Variants in RGS7 observed in about 807,000 individuals in gnomAD.
RGS7 encodes the protein regulator of G-protein signaling 7.
A neutral mutation model predicts 81.1 loss-of-function variants in RGS7; 27 were observed. The observed-to-expected ratio is 0.33, with a 90% CI of 0.25 to 0.46. The LOEUF (loss-of-function observed/expected upper bound fraction) is 0.46. RGS7 is among the 20% of genes least tolerant of loss of function. RGS7 has a pLI of 1.00. For synonymous variants in RGS7, 208 were observed against 207.7 expected, an observed-to-expected ratio of 1.00 and a Z score of -0.01; for missense variants, 396 against 607.4, an observed-to-expected ratio of 0.65 and a Z score of 3.66.
rs1312015674 is a variant in RGS7 at position 241,144,766 on chromosome 1, C to T, written c.79-46004G>A. On this transcript the variant is annotated intron_variant, in intron 2 of 18. Coordinates refer to ENST00000440928, the MANE Select transcript of RGS7 (RefSeq NM_001364886.1). This position sits in a 1 kb window ranked among gnomAD's most constrained non-coding sequence, Gnocchi z 4.7. Reference sequence around the variant, plus strand: ...ACCAGCCAGCTAGCCAACCCCACAGCCGCCTGTTGGGCAAAGGAACCCTGG... The same window carrying T: ...ACCAGCCAGCTAGCCAACCCCACAGTCGCCTGTTGGGCAAAGGAACCCTGG... Among the ~76,000 whole-genome samples the T allele has an allele frequency of 6.6e-6, 1 of 152,194 alleles. No homozygotes were observed.
chr1:241,057,810 C>T (rs939267193), intron 3 of RGS7, among the ~76,000 whole-genome samples: 5 of 152,036 alleles, frequency 3.3e-5, no homozygotes, highest in African/African-American at 1.2e-4. Context: ...TACAGTGAGC[C>T]GGGATCACAC....
intron 2 of RGS7, among the ~76,000 whole-genome samples, chr1:241,157,460 C>T (rs1312160099): frequency 6.6e-6 from 1 of 152,224 alleles, no homozygotes; most frequent in African/African-American, 2.4e-5. Context: ...CAACCACCTG[C>T]TGCAAAAAGT....
chr1:240,974,588 A>C (rs1683777815), intron 4 of RGS7, among the ~76,000 whole-genome samples: 1 of 152,234 alleles, frequency 6.6e-6, no homozygotes, highest in Non-Finnish European at 1.5e-5. Context: ...AACATACATA[A>C]AATAAAAAAT....
chr1:241,098,799 T>A (rs762685045), intron 2 of RGS7, 37 bp from the exon 3 acceptor site: 7 of 1,467,120 alleles, frequency 4.8e-6, no homozygotes, highest in Non-Finnish European at 6.6e-6. Flanking sequence ...CTTTATAAAG[T>A]TGAACTTTTT....
chr1:241,077,555 A>G (rs2062871034), intron 3 of RGS7, among the ~76,000 whole-genome samples: 1 of 152,160 alleles, frequency 6.6e-6, no homozygotes, highest in African/African-American at 2.4e-5. Context: ...ATCGTGGTCC[A>G]GTGTACGTGG....
At chr1:241,295,174 T>C (rs149051310) in intron 2 of RGS7, among the ~76,000 whole-genome samples, 3,923 of 152,112 alleles carry the variant, frequency 0.026, 75 homozygotes, top group Middle Eastern at 0.048. Context: ...TGCGGCCGGG[T>C]GCGGTGGCTC....
At chr1:241,039,696 G>T (rs2060506733) in intron 3 of RGS7, among the ~76,000 whole-genome samples, 1 of 152,082 alleles carries the variant, frequency 6.6e-6, no homozygotes, top group South Asian at 2.1e-4. Flanking sequence ...TCTAGGCCTG[G>T]ATAGGAAAAT....
intron 2 of RGS7, among the ~76,000 whole-genome samples, chr1:241,126,730 G>C (rs187557013): frequency 2.6e-5 from 4 of 152,040 alleles, no homozygotes; most frequent in African/African-American, 4.8e-5. Flanking sequence ...GCCCGGTACA[G>C]AGAAATGCTA....
intron 2 of RGS7, among the ~76,000 whole-genome samples, chr1:241,100,865 A>G (rs2064684940): frequency 6.6e-6 from 1 of 152,324 alleles, no homozygotes; most frequent in East Asian, 1.9e-4. Context: ...ATGTGGAAGG[A>G]GCGCCATTAC....
intron 2 of RGS7, among the ~76,000 whole-genome samples, chr1:241,110,498 C>A (rs369940454): frequency 1.3e-5 from 2 of 152,118 alleles, no homozygotes; most frequent in African/African-American, 4.8e-5. Flanking sequence ...CTAAAGACAA[C>A]CATTGATTTG....
intron 4 of RGS7, among the ~76,000 whole-genome samples, chr1:240,982,601 G>A (rs1042383052): frequency 7.9e-5 from 12 of 151,688 alleles, no homozygotes; most frequent in African/African-American, 2.2e-4. Context: ...TAAATAGAGC[G>A]TTTCTCTCTC....
At chr1:241,145,926 G>A (rs749186987) in intron 2 of RGS7, among the ~76,000 whole-genome samples, 1 of 152,154 alleles carries the variant, frequency 6.6e-6, no homozygotes, top group Non-Finnish European at 1.5e-5. Context: ...TTTTGAGGAA[G>A]ATACAAGATA....
At chr1:241,039,559 T>A (rs1380085446) in intron 3 of RGS7, among the ~76,000 whole-genome samples, 1 of 143,128 alleles carries the variant, frequency 7.0e-6, no homozygotes, top group African/African-American at 2.6e-5. Context: ...ATCACTGAAC[T>A]CATTTCTTTT....
intron 4 of RGS7, among the ~76,000 whole-genome samples, chr1:240,948,920 C>T (rs1041587991): frequency 6.6e-6 from 1 of 151,650 alleles, no homozygotes; most frequent in Non-Finnish European, 1.5e-5. Flanking sequence ...TAGTTAACCA[C>T]TTGGAATTAT....
chr1:241,082,331 C>A (rs2063181227), intron 3 of RGS7, among the ~76,000 whole-genome samples: 1 of 152,162 alleles, frequency 6.6e-6, no homozygotes, highest in South Asian at 2.1e-4. Context: ...AGAAGCAGCA[C>A]CACAAGCGAC....
At chr1:240,802,825 G>T in intron 16 of RGS7, 79 bp downstream of exon 16, 1 of 928,164 alleles carries the variant, frequency 1.1e-6, no homozygotes, top group Non-Finnish European at 1.8e-6. Context: ...CAATACCCTG[G>T]ATTCAGCAGA....
chr1:241,133,534 T>TA lies in RGS7; in HGVS notation c.79-34773dup, dbSNP rs200984559. 2.3e-3 allele frequency among the ~76,000 whole-genome samples: 339 copies of TA among 150,570 alleles called. 1 individual carries two copies. Among genetic ancestry groups the TA allele is most frequent in the African/African-American group, 7.3e-3 (301 of 41,096 alleles). ...TTCTAAGGGAAAGGAGATACAAATA[T>TA]AAAAAAAAAGAAACCAAGAAAAAGA... is the stretch of plus-strand genomic sequence containing the variant. On this transcript the variant is annotated intron_variant, in intron 2 of 18. Transcript: ENST00000440928.
intron 9 of RGS7, among the ~76,000 whole-genome samples, chr1:240,842,216 T>TTTTTTTTTTTTTTTTTTTTTTTGG: frequency 7.1e-6 from 1 of 141,290 alleles, no homozygotes; most frequent in Non-Finnish European, 1.6e-5. Context: ...TTTTTTTTTT[T>TTTTTTTTTTTTTTTTTTTTTTTGG]GAGACAGAGT....
At chr1:241,210,084 T>G (rs949702340) in intron 2 of RGS7, among the ~76,000 whole-genome samples, 1 of 152,106 alleles carries the variant, frequency 6.6e-6, no homozygotes, top group African/African-American at 2.4e-5. Context: ...ATTATTGTAT[T>G]CTGTTTTGGG....
Sources: allele counts gnomAD v4.1 joint callset (sites outside exome capture counted in the v4.1 genomes callset), GRCh38; gene constraint gnomAD v4.1.1; non-coding constraint Gnocchi (gnomAD v3.1); transcripts MANE v1.5; gene names NCBI Gene and HGNC (gene_info 2026-07-23, HGNC 2026-07-21).